PIPOX: variants seen among roughly 807,000 people sequenced by gnomAD.
PIPOX encodes peroxisomal sarcosine oxidase.
In PIPOX, 45 loss-of-function variants were observed where a neutral mutation model predicts 47.9. The ratio of observed to expected loss-of-function variants is 0.94; its 90% confidence interval spans 0.74 to 1.20. The LOEUF (loss-of-function observed/expected upper bound fraction) is 1.20, where lower values mean the gene tolerates loss of function less well. PIPOX is among the 50% of genes most tolerant of loss of function. The probability of loss-of-function intolerance (pLI) is 0.00; values close to 1 mark genes in which losing one functional copy is unlikely to be tolerated. For synonymous variants in PIPOX, 165 were observed against 191.3 expected, an observed-to-expected ratio of 0.86 and a Z score of 1.13; for missense variants, 458 against 498.4, an observed-to-expected ratio of 0.92 and a Z score of 0.77.
At chr17:29,050,978 C>T (rs187935247) in intron 2 of PIPOX, among the ~76,000 whole-genome samples, 4 of 152,048 alleles carry the variant, frequency 2.6e-5, no homozygotes, top group South Asian at 2.1e-4. Context: ...AAAAATGAGC[C>T]GGGTGTGGTG....
intron 2 of PIPOX, among the ~76,000 whole-genome samples, chr17:29,046,038 C>T (rs112560129): frequency 2.0e-5 from 3 of 152,184 alleles, no homozygotes; most frequent in Non-Finnish European, 4.4e-5. Flanking sequence ...CTGGCTCTAC[C>T]TGATAGGGTG....
In PIPOX at chr17:29,054,629, C is replaced by T. The variant is rs750273271; in HGVS notation, c.745C>T (p.Leu249=). ...VSQAFPCFLW[L]GLCPHHIYGL... is the part of the protein sequence containing the mutation. Reference sequence around the variant, plus strand: ...CCAGGCCTTTCCGTGCTTCCTGTGGCTGGGCTTGTGTCCCCACCACATCTA... The same window carrying T: ...CCAGGCCTTTCCGTGCTTCCTGTGGTTGGGCTTGTGTCCCCACCACATCTA... The change falls in exon 5 of 8, where the codon CTG becomes TTG. Residue 249 remains leucine (L), a synonymous_variant. Transcript: ENST00000323372. 6.2e-7 allele frequency: 1 copy of T among 1,614,170 alleles called. No homozygotes were observed. The highest frequency in any genetic ancestry group is 1.1e-5 in the South Asian group (1 of 91,082).
At chr17:29,054,913 C>A in intron 5 of PIPOX, 150 bp from the exon 6 acceptor site, 1 of 1,140,136 alleles carries the variant, frequency 8.8e-7, no homozygotes, top group Non-Finnish European at 1.3e-6. Flanking sequence ...AACAGCTAAG[C>A]AGCCTCAGGT....
In PIPOX at chr17:29,056,575, G is replaced by C; in HGVS notation, c.*270G>C. 1 of 533,306 alleles carries C rather than the reference G, an allele frequency of 1.9e-6. No homozygotes were observed. Among genetic ancestry groups the C allele is most frequent in the Non-Finnish European group, 3.3e-6 (1 of 298,946 alleles). The allele number at this position is 533,306 out of a possible 1,614,324, so 33.0% of individuals were successfully genotyped here. On this transcript the variant is annotated 3_prime_UTR_variant, in exon 8 of 8. Coordinates refer to ENST00000323372, the MANE Select transcript of PIPOX (RefSeq NM_016518.3). ...ATTCACAACTACTTTCTCGCTCCCA[G>C]AAGGTTGATCAGATATTCTACAATC...
intron 2 of PIPOX, among the ~76,000 whole-genome samples, chr17:29,048,449 G>A (rs2065793412): frequency 6.6e-6 from 1 of 152,218 alleles, no homozygotes; most frequent in Admixed American, 6.5e-5. Flanking sequence ...GTGGGTTTGG[G>A]ACATTTGCAT....
At position 29,054,541 on chromosome 17, in the gene PIPOX, C is replaced by T; in HGVS notation, c.661-4C>T. 1 of 1,614,040 alleles carries T rather than the reference C, an allele frequency of 6.2e-7. No individual in the cohort carries two copies. The highest frequency in any genetic ancestry group is 8.5e-7 in the Non-Finnish European group (1 of 1,179,920). ...CATTTCCCACTTCCTCTCCCTGCCTCAAGACCCTGCGGATCAACGTGTGTT... is the reference window on the plus strand; with the variant it reads ...CATTTCCCACTTCCTCTCCCTGCCTTAAGACCCTGCGGATCAACGTGTGTT... On this transcript the variant is annotated splice_polypyrimidine_tract_variant and splice_region_variant and intron_variant, in intron 4 of 7. Coordinates refer to ENST00000323372, the MANE Select transcript of PIPOX (RefSeq NM_016518.3).
chr17:29,048,744 G>T (rs2065794566), intron 2 of PIPOX, among the ~76,000 whole-genome samples: 1 of 152,330 alleles, frequency 6.6e-6, no homozygotes, highest in East Asian at 1.9e-4. Context: ...GAAGTGTCTG[G>T]CTTGTCAGCC....
intron 5 of PIPOX, 57 bp from the exon 6 acceptor site, chr17:29,055,006 G>C: frequency 6.2e-7 from 1 of 1,605,916 alleles, no homozygotes; most frequent in Non-Finnish European, 8.5e-7. Context: ...CCCTTCGGCT[G>C]TGGGTGTGTG....
At position 29,052,994 on chromosome 17, in the gene PIPOX, A is replaced by G; in HGVS notation, c.338A>G (p.Gln113Arg). ...LKTIQANLSR[Q>R]RVEHQCLSSE... ...ACAATCCAGGCCAATCTGTCGAGGC[A>G]GAGGGTAGAACACCAGTGTCTTTCA... is the stretch of plus-strand genomic sequence containing the variant. The change falls in exon 3 of 8, where the codon CAG (glutamine) becomes CGG (arginine). Residue 113 changes from glutamine (Q) to arginine (R), a missense_variant. By Grantham distance (43) the Gln-to-Arg change is conservative. Coordinates refer to ENST00000323372, the MANE Select transcript of PIPOX (RefSeq NM_016518.3). The G allele has an allele frequency of 6.2e-7, 1 of 1,614,270 alleles. No homozygotes were observed. Among genetic ancestry groups the G allele is most frequent in the Non-Finnish European group, 8.5e-7 (1 of 1,180,036 alleles).
At position 29,054,636 on chromosome 17, in the gene PIPOX, TG is replaced by T; in HGVS notation, c.753del (p.Leu251PhefsTer17). 2 of 1,614,182 alleles carry T rather than the reference TG, an allele frequency of 1.2e-6. No individual in the cohort carries two copies. The highest frequency in any genetic ancestry group is 8.5e-7 in the Non-Finnish European group (1 of 1,180,018). ...TTTCCGTGCTTCCTGTGGCTGGGCT[TG>T]TGTCCCCACCACATCTACGGACTGC... Reference protein sequence around the residue: ...QAFPCFLWLGLCPHHIYGLPT... With the variant: ...QAFPCFLWLGXCPHHIYGLPT... On this transcript the variant is annotated frameshift_variant, in exon 5 of 8. Coordinates refer to ENST00000323372, the MANE Select transcript of PIPOX (RefSeq NM_016518.3). LOFTEE classifies it high-confidence loss of function.
At chr17:29,051,823 G>A (rs1040356494) in intron 2 of PIPOX, 1 of 413,792 alleles carries the variant, frequency 2.4e-6, no homozygotes, top group African/African-American at 2.1e-5. Flanking sequence ...GAGCATTGCA[G>A]GTGTAGCATC....
rs369628241 is a variant in PIPOX at position 29,053,142 on chromosome 17, G to A, written c.477+9G>A. The A allele has an allele frequency of 2.4e-5, 39 of 1,610,678 alleles. No homozygotes were observed. Among genetic ancestry groups the A allele is most frequent in the African/African-American group, 8.0e-5 (6 of 74,958 alleles). On this transcript the variant is annotated intron_variant, in intron 3 of 7. Transcript: ENST00000323372. The stretch of plus-strand genomic sequence containing the variant: ...CCCTCAGAGCCCTGCAGGTAATGTC[G>A]TATAGCACTGGGGCGATGCAGGTGC...
At chr17:29,044,710 TTCCTGTGCATAA>T in intron 1 of PIPOX, 137 bp from the exon 2 acceptor site, 1 of 781,568 alleles carries the variant, frequency 1.3e-6, no homozygotes, top group Non-Finnish European at 1.9e-6. Context: ...TCAAATTATC[TTCCTGTGCATAA>T]TCCTTCCCCA....
At chr17:29,049,977 A>G (rs779878060) in intron 2 of PIPOX, among the ~76,000 whole-genome samples, 7 of 152,266 alleles carry the variant, frequency 4.6e-5, no homozygotes, top group Non-Finnish European at 1.0e-4. Context: ...GATTACTCCC[A>G]GGGATGGGGA....
Position 29,053,166 on chromosome 17 carries a change from G to T in PIPOX, c.477+33G>T, listed in dbSNP as rs760805168. The stretch of plus-strand genomic sequence containing the variant: ...CGTATAGCACTGGGGCGATGCAGGT[G>T]CTCCCTGCTCTGGGTGTCCTGGGTC... On this transcript the variant is annotated intron_variant, in intron 3 of 7. Coordinates refer to ENST00000323372, the MANE Select transcript of PIPOX (RefSeq NM_016518.3). 3.8e-6 allele frequency: 6 copies of T among 1,580,442 alleles called. No homozygotes were observed. In the African/African-American group the frequency reaches 8.1e-5, roughly 21 times the overall value.
intron 2 of PIPOX, among the ~76,000 whole-genome samples, chr17:29,052,699 A>G (rs1598238940): frequency 1.3e-5 from 2 of 152,258 alleles, no homozygotes; most frequent in African/African-American, 4.8e-5. Flanking sequence ...AGCTGGGATC[A>G]CAGGCATGTG....
chr17:29,051,131 A>T (rs561985198), intron 2 of PIPOX, among the ~76,000 whole-genome samples: 43 of 152,312 alleles, frequency 2.8e-4, no homozygotes, highest in African/African-American at 1.0e-3. Flanking sequence ...GGGAAAAAAA[A>T]AAAGTTTACT....
intron 3 of PIPOX, 82 bp downstream of exon 3, chr17:29,053,215 C>A: frequency 2.2e-6 from 3 of 1,392,460 alleles, no homozygotes; most frequent in Non-Finnish European, 3.0e-6. Flanking sequence ...CCAAGACCCC[C>A]CTCTGGATGA....
rs1223028373 is a variant in PIPOX, at chr17:29,053,555, A to T, written c.620A>T (p.Asn207Ile). ...SLVITAGPWT[N>I]QLLRPLGIEM... ...GTCATCACAGCAGGTCCTTGGACCA[A>T]CCAGCTCCTCCGTCCCCTGGGCATT... The change falls in exon 4 of 8, where the codon AAC becomes ATC. Residue 207 changes from asparagine (N) to isoleucine (I), a missense_variant. Asn to Ile is a moderately radical substitution (Grantham distance 149). Transcript: ENST00000323372. 1 of 1,609,874 alleles carries T rather than the reference A, an allele frequency of 6.2e-7. No individual in the cohort carries two copies. Among genetic ancestry groups the T allele is most frequent in the East Asian group, 2.2e-5 (1 of 44,782 alleles).
Sources: gnomAD v4.1 joint callset for allele counts (sites outside exome capture counted in the v4.1 genomes callset) on GRCh38, gnomAD v4.1.1 for gene constraint, MANE v1.5 for transcripts, NCBI Gene and HGNC (gene_info 2026-07-23, HGNC 2026-07-21) for gene names.